The following HS1BP3 variants were observed in gnomAD, a reference collection of about 807,000 sequenced individuals.
HS1BP3 encodes the protein HCLS1 binding protein 3.
Under a neutral mutation model 33.5 loss-of-function variants are expected in HS1BP3, and 32 were observed. The observed-to-expected ratio is 0.95, with a 90% CI of 0.72 to 1.28. HS1BP3 has a LOEUF of 1.28. HS1BP3 is among the 50% of genes most tolerant of loss of function. The probability of loss-of-function intolerance (pLI) is 0.00; values close to 1 mark genes in which losing one functional copy is unlikely to be tolerated. For synonymous variants in HS1BP3, 187 were observed against 209.2 expected (o/e 0.89, Z 0.92); for missense variants, 486 against 502.3 (o/e 0.97, Z 0.31).
chr2:20,637,237 C>T (rs911335178), intron 4 of HS1BP3: 15 of 152,386 alleles, frequency 9.8e-5, no homozygotes, highest in African/African-American at 2.6e-4. Context: ...TTTGGCACTA[C>T]GTGTGGTTAC....
chr2:20,598,407 C>G (rs1693991588), intron 2 of HS1BP3: 1 of 196,860 alleles, frequency 5.1e-6, no homozygotes, highest in East Asian at 1.2e-4. Context: ...TGCCGCTGAT[C>G]TGACAGGAGG....
chr2:20,583,096 C>T (rs1221221389), intron 5 of HS1BP3, among the ~76,000 whole-genome samples: 1 of 152,200 alleles, frequency 6.6e-6, no homozygotes, highest in East Asian at 1.9e-4. Context: ...AGGTCCTGAG[C>T]AAGGAGGGGC....
intron 4 of HS1BP3, among the ~76,000 whole-genome samples, chr2:20,626,284 A>G (rs756976787): frequency 5.9e-5 from 9 of 152,240 alleles, no homozygotes; most frequent in Non-Finnish European, 1.3e-4. Flanking sequence ...AAACTATGAA[A>G]GCCAGGAAGG....
intron 5 of HS1BP3, among the ~76,000 whole-genome samples, chr2:20,568,380 G>A (rs756363326): frequency 2.0e-5 from 3 of 152,174 alleles, no homozygotes; most frequent in East Asian, 3.9e-4. Context: ...GGGTCAGCAC[G>A]TGGTGGGGGT....
At chr2:20,572,305 T>G (rs1469938920) in intron 5 of HS1BP3, among the ~76,000 whole-genome samples, 1 of 152,152 alleles carries the variant, frequency 6.6e-6, no homozygotes, top group Non-Finnish European at 1.5e-5. Flanking sequence ...TTTCCTCTGT[T>G]CCTATCAGAA....
At chr2:20,623,529 A>C (rs13404197) in intron 6 of HS1BP3, 1,761 of 162,084 alleles carry the variant, frequency 0.011, 39 homozygotes, top group African/African-American at 0.04. Context: ...GGTGGGCTGC[A>C]TGCTGCCATG....
At chr2:20,577,071 G>T (rs550453082) in intron 5 of HS1BP3, among the ~76,000 whole-genome samples, 2 of 152,194 alleles carry the variant, frequency 1.3e-5, no homozygotes, top group South Asian at 2.1e-4. Flanking sequence ...GGGAATTGCC[G>T]TTTGAGTTGG....
At chr2:20,606,288 C>G in intron 2 of HS1BP3, 1 of 441,462 alleles carries the variant, frequency 2.3e-6, no homozygotes, top group Non-Finnish European at 4.5e-6. Context: ...GTTCATGCGT[C>G]TTCACCAGCA....
intron 5 of HS1BP3, among the ~76,000 whole-genome samples, chr2:20,573,621 C>T (rs577070890): frequency 1.3e-5 from 2 of 152,332 alleles, no homozygotes; most frequent in East Asian, 3.9e-4. Context: ...TCCAGAGGCT[C>T]CACAAATCCA....
chr2:20,610,022 C>T (rs950293055), intron 2 of HS1BP3, among the ~76,000 whole-genome samples: 1 of 152,176 alleles, frequency 6.6e-6, no homozygotes, highest in Non-Finnish European at 1.5e-5. Context: ...TCATGAGCTT[C>T]CTCCCTGTGG....
At chr2:20,584,132 C>A (rs1271923225) in intron 5 of HS1BP3, among the ~76,000 whole-genome samples, 3 of 152,188 alleles carry the variant, frequency 2.0e-5, no homozygotes, top group Non-Finnish European at 4.4e-5. Flanking sequence ...GGCTGTGTCC[C>A]CAGAGACTCC....
intron 2 of HS1BP3, among the ~76,000 whole-genome samples, chr2:20,641,409 C>T (rs926716058): frequency 1.5e-4 from 23 of 152,200 alleles, no homozygotes; most frequent in Non-Finnish European, 2.2e-4. Flanking sequence ...GATGCAATAA[C>T]GGTGCCATTC....
intron 5 of HS1BP3, among the ~76,000 whole-genome samples, chr2:20,577,387 G>A (rs1693425990): frequency 6.6e-6 from 1 of 152,092 alleles, no homozygotes; most frequent in Non-Finnish European, 1.5e-5. Context: ...CATTGGCTGG[G>A]GAAGAGCATG....
At chr2:20,627,679 G>C (rs1046665626) in intron 4 of HS1BP3, among the ~76,000 whole-genome samples, 1 of 152,166 alleles carries the variant, frequency 6.6e-6, no homozygotes, top group Admixed American at 6.5e-5. Flanking sequence ...GGCATGGTCT[G>C]TACCCTACCC....
downstream of HS1BP3, chr2:20,617,799 G>T (rs554646740): frequency 6.6e-6 from 1 of 152,476 alleles, no homozygotes; most frequent in Non-Finnish European, 1.5e-5. Flanking sequence ...TGAACATGAA[G>T]AATTATATCC....
chr2:20,640,917 G>A (rs775171428), intron 3 of HS1BP3, 56 bp downstream of exon 3: 21 of 1,548,584 alleles, frequency 1.4e-5, no homozygotes, highest in Non-Finnish European at 1.7e-5. Flanking sequence ...GCACGGCAGC[G>A]GGGCCTAGTT....
At chr2:20,574,940 T>C in intron 5 of HS1BP3, among the ~76,000 whole-genome samples, 1 of 152,214 alleles carries the variant, frequency 6.6e-6, no homozygotes, top group East Asian at 1.9e-4. Flanking sequence ...AATCCCCTCC[T>C]CTGCATAACT....
At chr2:20,578,024 A>G (rs1247919169) in intron 5 of HS1BP3, among the ~76,000 whole-genome samples, 4 of 152,250 alleles carry the variant, frequency 2.6e-5, no homozygotes, top group African/African-American at 9.6e-5. Context: ...AAGACTGAGT[A>G]ACGTGCCTGA....
chr2:20,608,889 A>G (rs1044892814), intron 2 of HS1BP3, among the ~76,000 whole-genome samples: 6 of 152,096 alleles, frequency 3.9e-5, no homozygotes, highest in African/African-American at 9.7e-5. Context: ...CCAACTAGTC[A>G]TGCATCTCTC....
Sources: gnomAD v4.1 joint callset for allele counts (sites outside exome capture counted in the v4.1 genomes callset) on GRCh38, gnomAD v4.1.1 for gene constraint, MANE v1.5 for transcripts, NCBI Gene and HGNC (gene_info 2026-07-23, HGNC 2026-07-21) for gene names.